LITAF: variants seen among roughly 807,000 people sequenced by gnomAD.
LITAF encodes the protein lipopolysaccharide induced TNF factor.
In LITAF, 9 loss-of-function variants were observed where a neutral mutation model predicts 14.5. The ratio of observed to expected loss-of-function variants is 0.62; its 90% confidence interval spans 0.37 to 1.08. LITAF has a LOEUF of 1.08. Ranked by LOEUF, LITAF falls within the 50% of genes least tolerant of loss-of-function variation. The probability of loss-of-function intolerance (pLI) is 0.01; values close to 1 mark genes in which losing one functional copy is unlikely to be tolerated. For missense variants in LITAF, 206 were observed against 213.4 expected, an observed-to-expected ratio of 0.97 and a Z score of 0.22; for synonymous variants, 98 against 88.2, an observed-to-expected ratio of 1.11 and a Z score of -0.62.
chr16:11,579,421 G>A (rs1039441854), intron 1 of LITAF, among the ~76,000 whole-genome samples: 1 of 151,156 alleles, frequency 6.6e-6, no homozygotes, highest in Admixed American at 6.6e-5. Flanking sequence ...ACTGCAGTCC[G>A]CAGTCCGGCC....
chr16:11,626,272 A>G (rs2065083424), intron 3 of LITAF, among the ~76,000 whole-genome samples: 1 of 151,290 alleles, frequency 6.6e-6, no homozygotes, highest in African/African-American at 2.4e-5. Context: ...TCTGCCTCCC[A>G]GGTTCAGGCA....
At chr16:11,577,316 A>ATT (rs71136668) in intron 1 of LITAF, among the ~76,000 whole-genome samples, 10,528 of 127,932 alleles carry the variant, frequency 0.082, 669 homozygotes, top group Middle Eastern at 0.13. Context: ...AGAAGTGTCT[A>ATT]TTTTTTTTTT....
intron 1 of LITAF, among the ~76,000 whole-genome samples, chr16:11,593,034 T>TGGCGGGCGTG: frequency 6.6e-6 from 1 of 151,920 alleles, no homozygotes. Flanking sequence ...AGCCGGGCGT[T>TGGCGGGCGTG]ATGGCAGGCG....
intron 3 of LITAF, among the ~76,000 whole-genome samples, chr16:11,616,671 C>A (rs1005820012): frequency 6.6e-6 from 1 of 152,014 alleles, no homozygotes; most frequent in African/African-American, 2.4e-5. Flanking sequence ...CCTTTGAACA[C>A]AAATCCCTTA....
intron 1 of LITAF, among the ~76,000 whole-genome samples, chr16:11,563,684 T>C (rs1259391982): frequency 6.6e-6 from 1 of 152,060 alleles, no homozygotes; most frequent in Non-Finnish European, 1.5e-5. Context: ...TGCTTCTTAG[T>C]AAACAGGCAA....
upstream of LITAF, among the ~76,000 whole-genome samples, chr16:11,637,823 A>T (rs376800318): frequency 6.7e-6 from 1 of 148,532 alleles, no homozygotes. Context: ...TGAGGCTTCA[A>T]TGAGCCATGA....
chr16:11,553,714 A>T lies in LITAF; in HGVS notation c.221-25T>A, dbSNP rs371683605. On this transcript the variant is annotated intron_variant, in intron 2 of 3. Coordinates refer to ENST00000622633, the MANE Select transcript of LITAF (RefSeq NM_001136472.2). The surrounding 1 kb of genome is among the most constrained non-coding windows in gnomAD (Gnocchi z 7.7). ...ACTGATGAAAGGGAGAGGGACAAAC[A>T]CAGGTTGCTCAGGAAACAAGGCCAA... 14 of 1,613,732 alleles carry T rather than the reference A, an allele frequency of 8.7e-6. No individual in the cohort carries two copies. The highest frequency in any genetic ancestry group is 1.3e-5 in the African/African-American group (1 of 74,942).
intron 3 of LITAF, among the ~76,000 whole-genome samples, chr16:11,612,393 C>G (rs138028996): frequency 1.3e-5 from 2 of 152,218 alleles, no homozygotes; most frequent in African/African-American, 4.8e-5. Context: ...GAAGAGGTGT[C>G]TCCCTCCCTG....
upstream of LITAF, among the ~76,000 whole-genome samples, chr16:11,600,019 C>T (rs1157815741): frequency 6.6e-6 from 1 of 152,032 alleles, no homozygotes; most frequent in African/African-American, 2.4e-5. This position sits in a 1 kb window ranked among gnomAD's most constrained non-coding sequence, Gnocchi z 4.1. Context: ...TATTTAGAGA[C>T]AGGTCTCACT....
At chr16:11,607,181 C>A (rs527515394) in intron 3 of LITAF, among the ~76,000 whole-genome samples, 1 of 152,188 alleles carries the variant, frequency 6.6e-6, no homozygotes, top group East Asian at 1.9e-4. Flanking sequence ...GTAAAACCCC[C>A]ACTCTCAGGG....
chr16:11,567,801 A>G (rs1466306218), intron 1 of LITAF, among the ~76,000 whole-genome samples: 3 of 152,090 alleles, frequency 2.0e-5, no homozygotes, highest in Admixed American at 6.6e-5. Context: ...CCTAGCCAAC[A>G]TGGTGAAACC....
At chr16:11,551,897 T>C (rs1256995576) in intron 3 of LITAF, 2 of 457,248 alleles carry the variant, frequency 4.4e-6, no homozygotes, top group Non-Finnish European at 7.8e-6. Context: ...TTTGTTTTAA[T>C]ACAAATATCC....
intron 3 of LITAF, among the ~76,000 whole-genome samples, chr16:11,631,828 C>T (rs2065119328): frequency 6.6e-6 from 1 of 151,558 alleles, no homozygotes; most frequent in Admixed American, 6.6e-5. Context: ...ATGACATCTG[C>T]AAAGACCCTA....
chr16:11,617,543 C>T (rs977779315), intron 3 of LITAF, among the ~76,000 whole-genome samples: 2 of 148,610 alleles, frequency 1.3e-5, no homozygotes, highest in Non-Finnish European at 3.0e-5. Context: ...TCTCTTGCCT[C>T]AGCCTCCCAA....
At chr16:11,576,588 G>GA (rs1355353458) in intron 1 of LITAF, among the ~76,000 whole-genome samples, 79 of 141,112 alleles carry the variant, frequency 5.6e-4, no homozygotes, top group African/African-American at 1.9e-3. Context: ...GAAAGGAAAG[G>GA]AAAAATGCTT....
chr16:11,556,992 T>C (rs1811131966), intron 1 of LITAF, among the ~76,000 whole-genome samples: 1 of 152,078 alleles, frequency 6.6e-6, no homozygotes, highest in African/African-American at 2.4e-5. Context: ...AAGGGTCATT[T>C]CTTCTTCACA....
intron 1 of LITAF, among the ~76,000 whole-genome samples, chr16:11,576,534 CAAAAAA>C (rs66551972): frequency 6.4e-5 from 4 of 62,982 alleles, no homozygotes; most frequent in Admixed American, 1.7e-4. Flanking sequence ...TTACAATCTG[CAAAAAA>C]AAAAAAAAAA....
rs191228736 is a variant in LITAF at position 11,610,382 on chromosome 16, C to T, written c.85+23151G>A. On this transcript the variant is annotated intron_variant, in intron 3 of 3. Transcript: ENST00000574848. Reference sequence around the variant, plus strand: ...TTGGAGGGTTGGTGGGGGTGAGGATCGGGAAAGGACGTGGCGGTCGGGCAG... The same window carrying T: ...TTGGAGGGTTGGTGGGGGTGAGGATTGGGAAAGGACGTGGCGGTCGGGCAG... Among the ~76,000 whole-genome samples, 8 of 151,570 alleles carry T rather than the reference C, an allele frequency of 5.3e-5. No homozygotes were observed. In the East Asian group the frequency reaches 1.6e-3, roughly 30 times the overall value.
At chr16:11,554,489 G>C (rs1247998380) in intron 2 of LITAF, among the ~76,000 whole-genome samples, 1 of 152,038 alleles carries the variant, frequency 6.6e-6, no homozygotes, top group Non-Finnish European at 1.5e-5. Flanking sequence ...TCAAGAATCA[G>C]AAGAGAATCC....
Sources: gnomAD v4.1 joint callset for allele counts (sites outside exome capture counted in the v4.1 genomes callset) on GRCh38, gnomAD v4.1.1 for gene constraint, Gnocchi (gnomAD v3.1) non-coding constraint, MANE v1.5 for transcripts, NCBI Gene and HGNC (gene_info 2026-07-23, HGNC 2026-07-21) for gene names.